The following FAF1 variants were observed in gnomAD, a reference collection of about 807,000 sequenced individuals.
FAF1 encodes Fas associated factor 1.
FAF1 carries 25 observed loss-of-function variants against 92.5 expected under a neutral mutation model. That is an observed-to-expected ratio of 0.27 (90% CI 0.20 to 0.38). FAF1 has a LOEUF of 0.38. Among genes scored for constraint, FAF1 ranks in the 10% least tolerant of loss-of-function variants. FAF1 has a pLI of 1.00. For synonymous variants in FAF1, 234 were observed against 273.2 expected, an observed-to-expected ratio of 0.86 and a Z score of 1.42; for missense variants, 636 against 793.3, an observed-to-expected ratio of 0.80 and a Z score of 2.38.
chr1:50,652,661 T>C (rs1278210942), intron 8 of FAF1, among the ~76,000 whole-genome samples: 3 of 152,222 alleles, frequency 2.0e-5, no homozygotes, highest in African/African-American at 7.2e-5. Context: ...AAACCCAATA[T>C]ATGTATCACC....
At chr1:50,527,868 CCTCTCTCT>C (rs1332650562) in intron 15 of FAF1, among the ~76,000 whole-genome samples, 3 of 57,198 alleles carry the variant, frequency 5.2e-5, no homozygotes, top group African/African-American at 2.3e-4. Context: ...TCCCTCTCTC[CCTCTCTCT>C]CTCTCTCTCT....
intron 17 of FAF1, among the ~76,000 whole-genome samples, chr1:50,485,683 AAAAAAAAAAAAAACCAAAAAAAC>A (rs1646758367): frequency 6.9e-6 from 1 of 144,368 alleles, no homozygotes; most frequent in Non-Finnish European, 1.5e-5. Flanking sequence ...AAAAAAAAAA[AAAAAAAAAAAAAACCAAAAAAAC>A]AAAAAAACAA....
At chr1:50,907,016 T>A (rs989089306) in intron 1 of FAF1, among the ~76,000 whole-genome samples, 1 of 152,184 alleles carries the variant, frequency 6.6e-6, no homozygotes, top group Admixed American at 6.5e-5. Flanking sequence ...GGCTGTGGGT[T>A]TGTCATAAAT....
At position 50,960,128 on chromosome 1, in the gene FAF1, C is replaced by G. The variant is rs1645304915; in HGVS notation, c.-317G>C. The G allele has an allele frequency of 1.6e-5, 6 of 370,650 alleles. No homozygotes were observed. Among genetic ancestry groups the G allele is most frequent in the Non-Finnish European group, 2.9e-5 (6 of 207,520 alleles). 23.0% of individuals were successfully genotyped at this position (370,650 alleles called of 1,614,324 possible). On this transcript the variant is annotated 5_prime_UTR_variant, in exon 1 of 19. Coordinates refer to ENST00000396153, the MANE Select transcript of FAF1 (RefSeq NM_007051.3). ...CGCGGGCCAGGATGAGGGCAGGTTG[C>G]GACAGCGCGCACCCGGATACCTTCA...
intron 6 of FAF1, among the ~76,000 whole-genome samples, chr1:50,708,164 A>G (rs1315948786): frequency 9.2e-5 from 14 of 152,322 alleles, no homozygotes; most frequent in Non-Finnish European, 1.5e-5. Flanking sequence ...ATTTACATTT[A>G]TACAAGATTA....
At chr1:50,825,778 C>T (rs1304903891) in intron 2 of FAF1, among the ~76,000 whole-genome samples, 2 of 151,932 alleles carry the variant, frequency 1.3e-5, no homozygotes, top group East Asian at 1.9e-4. Flanking sequence ...ACCAATAAAG[C>T]AAATATCAAT....
intron 12 of FAF1, among the ~76,000 whole-genome samples, chr1:50,575,633 A>C (rs1650695192): frequency 6.6e-6 from 1 of 152,250 alleles, no homozygotes; most frequent in South Asian, 2.1e-4. Context: ...TAGCATTCTA[A>C]GTCTTATTTC....
intron 1 of FAF1, among the ~76,000 whole-genome samples, chr1:50,859,150 C>T (rs1459254154): frequency 6.6e-6 from 1 of 151,364 alleles, no homozygotes; most frequent in Non-Finnish European, 1.5e-5. Context: ...CTAACTCACA[C>T]CTAATATACT....
Position 50,738,872 on chromosome 1 carries a change from C to A in FAF1, c.542G>T (p.Ser181Ile), listed in dbSNP as rs376174453. 5.0e-6 allele frequency: 8 copies of A among 1,600,156 alleles called. No individual in the cohort carries two copies. The highest frequency in any genetic ancestry group is 6.8e-6 in the Non-Finnish European group (8 of 1,169,510). ...AATATAAACAACTTACCCAGCATGA[C>A]TAGATGATGAAGGTGGTGGCAAATC... The part of the protein sequence containing the change: ...TPDLPPPSSS[S>I]HAGALQESLN... The change falls in exon 6 of 19, where the codon AGT (serine) becomes ATT (isoleucine). Residue 181 changes from serine (S) to isoleucine (I), a missense_variant. This residue lies in a region of FAF1 where 317 missense variants were observed against 342.4 expected (regional missense o/e 0.93). Transcript: ENST00000396153.
chr1:50,487,892 G>A (rs1239569819), intron 17 of FAF1, among the ~76,000 whole-genome samples: 1 of 152,192 alleles, frequency 6.6e-6, no homozygotes, highest in Non-Finnish European at 1.5e-5. Flanking sequence ...CCAGTTTGGT[G>A]ACCATAGGTA....
chr1:50,636,520 G>A (rs1026382128), intron 8 of FAF1, among the ~76,000 whole-genome samples: 1 of 151,182 alleles, frequency 6.6e-6, no homozygotes, highest in African/African-American at 2.4e-5. Flanking sequence ...TGAGCAGCTA[G>A]GACTACTATA....
intron 1 of FAF1, among the ~76,000 whole-genome samples, chr1:50,915,106 C>T (rs1427098802): frequency 6.6e-6 from 1 of 152,230 alleles, no homozygotes; most frequent in Non-Finnish European, 1.5e-5. Context: ...CATGGTGGCT[C>T]ATGCCTGTAA....
At chr1:50,825,529 T>C (rs1644088596) in intron 2 of FAF1, among the ~76,000 whole-genome samples, 1 of 151,548 alleles carries the variant, frequency 6.6e-6, no homozygotes, top group Admixed American at 6.6e-5. Flanking sequence ...GAGCACATGA[T>C]CAAAACAGAA....
At chr1:50,706,249 C>T (rs1334473662) in intron 6 of FAF1, among the ~76,000 whole-genome samples, 1 of 152,188 alleles carries the variant, frequency 6.6e-6, no homozygotes, top group Non-Finnish European at 1.5e-5. Flanking sequence ...TATTCAAAGA[C>T]TCTGGTTCAA....
intron 7 of FAF1, among the ~76,000 whole-genome samples, chr1:50,698,825 C>G (rs1569790762): frequency 6.6e-6 from 1 of 151,928 alleles, no homozygotes; most frequent in East Asian, 1.9e-4. Flanking sequence ...GGCATGCTAC[C>G]TTCTTAAATG....
At chr1:50,472,340 A>G (rs1253972613) in intron 18 of FAF1, among the ~76,000 whole-genome samples, 1 of 146,798 alleles carries the variant, frequency 6.8e-6, no homozygotes, top group Admixed American at 7.0e-5. Context: ...TCTCTTAGTA[A>G]CTGTTATTAG....
intron 18 of FAF1, among the ~76,000 whole-genome samples, chr1:50,447,164 T>C (rs1007512754): frequency 2.5e-4 from 36 of 145,338 alleles, no homozygotes; most frequent in African/African-American, 7.9e-4. Flanking sequence ...CTCCCTCTGT[T>C]GTCCAGGCTG....
chr1:50,735,718 T>A (rs1225950629), intron 6 of FAF1, among the ~76,000 whole-genome samples: 1 of 152,160 alleles, frequency 6.6e-6, no homozygotes, highest in African/African-American at 2.4e-5. Flanking sequence ...CTATTTTATT[T>A]TATTTATTTT....
intron 4 of FAF1, among the ~76,000 whole-genome samples, chr1:50,752,438 C>T (rs1406775887): frequency 6.6e-6 from 1 of 152,064 alleles, no homozygotes. Context: ...TTAATATCAC[C>T]TTATAGTCCA....
Sources: allele counts gnomAD v4.1 joint callset (sites outside exome capture counted in the v4.1 genomes callset), GRCh38; gene constraint gnomAD v4.1.1; regional missense constraint gnomAD v4.1.1; transcripts MANE v1.5; gene names NCBI Gene and HGNC (gene_info 2026-07-23, HGNC 2026-07-21).